Variants in MYOCD observed in about 807,000 individuals in gnomAD.
The protein encoded by MYOCD is myocardin.
In MYOCD, 32 loss-of-function variants were observed where a neutral mutation model predicts 96.1. That is an observed-to-expected ratio of 0.33 (90% confidence interval 0.25 to 0.45). The LOEUF is 0.45. Ranked by LOEUF, MYOCD falls within the 20% of genes least tolerant of loss-of-function variation. The pLI is 1.00. For missense variants in MYOCD, 1,133 were observed against 1,200.6 expected (o/e 0.94, Z 0.83); for synonymous variants, 469 against 469.0 (o/e 1.00, Z 0.00).
intron 1 of MYOCD, among the ~76,000 whole-genome samples, chr17:12,690,806 C>A (rs192212943): frequency 3.3e-5 from 5 of 152,142 alleles, no homozygotes; most frequent in African/African-American, 4.8e-5. Context: ...AAATCCTGAT[C>A]AAATCTAATG....
chr17:12,685,225 GGA>G (rs1301759238), intron 1 of MYOCD, among the ~76,000 whole-genome samples: 1 of 152,172 alleles, frequency 6.6e-6, no homozygotes. Flanking sequence ...TTTAAACCGA[GGA>G]GAGAGAGGTT....
At chr17:12,733,928 T>G (rs1476366298) in intron 5 of MYOCD, among the ~76,000 whole-genome samples, 1 of 152,074 alleles carries the variant, frequency 6.6e-6, no homozygotes, top group East Asian at 1.9e-4. Flanking sequence ...TGAACTATTA[T>G]GAAGTCTAAC....
At position 12,763,158 on chromosome 17, in the gene MYOCD, C is replaced by G; in HGVS notation, c.2475C>G (p.Val825=). 1 of 1,614,178 alleles carries G rather than the reference C, an allele frequency of 6.2e-7. No homozygotes were observed. The highest frequency in any genetic ancestry group is 1.7e-5 in the Admixed American group (1 of 60,024). Residue 825 remains valine (V), a synonymous_variant, in exon 14 of 14, where the codon GTC becomes GTG. Coordinates refer to ENST00000425538, the MANE Select transcript of MYOCD (RefSeq NM_001146312.3). ...GATCTTCCCGAAGTCCAACTGCTGT[C>G]CTCACCAAGCCCTCGGCTTCCTTTG... ...IPRSSRSPTA[V]LTKPSASFEQ... is the part of the protein sequence containing the mutation.
chr17:12,717,039 AT>A (rs2031668257), intron 3 of MYOCD, among the ~76,000 whole-genome samples: 1 of 148,764 alleles, frequency 6.7e-6, no homozygotes, highest in African/African-American at 2.5e-5. Flanking sequence ...AATAAGATTC[AT>A]TATAATACAA....
chr17:12,731,771 G>C (rs740463), intron 5 of MYOCD, among the ~76,000 whole-genome samples: 79,243 of 152,036 alleles, frequency 0.52, 21,014 homozygotes, highest in East Asian at 0.65. Flanking sequence ...CCAGGGCCTT[G>C]TGGGCCACAC....
chr17:12,733,468 C>T (rs1012173465), intron 5 of MYOCD, among the ~76,000 whole-genome samples: 1 of 152,166 alleles, frequency 6.6e-6, no homozygotes, highest in Admixed American at 6.5e-5. Flanking sequence ...ATTCTGCCAC[C>T]CCCTCTACCA....
chr17:12,706,368 T>C lies in MYOCD; in HGVS notation c.121+1175T>C, dbSNP rs566350287. On this transcript the variant is annotated intron_variant, in intron 2 of 13. Coordinates refer to ENST00000425538, the MANE Select transcript of MYOCD (RefSeq NM_001146312.3). ...GTGTGGCCTGTTTCATCTTAGCCTT[T>C]CTTTGGAGGTGCTAAAGACAGGAAG... Among the ~76,000 whole-genome samples, 15 of 152,342 alleles carry C rather than the reference T, an allele frequency of 9.8e-5. No individual in the cohort carries two copies. The South Asian group carries it at 2.7e-3, about 27-fold the overall frequency.
chr17:12,705,404 A>T (rs916397509), intron 2 of MYOCD: 6 of 451,414 alleles, frequency 1.3e-5, no homozygotes, highest in African/African-American at 8.0e-5. Context: ...GATACTGGTT[A>T]TGCCTAAAAT....
At chr17:12,755,344 C>A (rs2032981052) in intron 10 of MYOCD, among the ~76,000 whole-genome samples, 1 of 152,130 alleles carries the variant, frequency 6.6e-6, no homozygotes, top group Non-Finnish European at 1.5e-5. Flanking sequence ...GGCGCACTGG[C>A]TCACACCTGT....
intron 1 of MYOCD, among the ~76,000 whole-genome samples, chr17:12,694,387 G>A (rs2030635951): frequency 2.0e-5 from 3 of 152,150 alleles, no homozygotes; most frequent in Admixed American, 2.0e-4. Flanking sequence ...ATCTGCAGTG[G>A]GAAGCAGCCG....
chr17:12,740,507 C>T (rs1302872741), intron 7 of MYOCD, among the ~76,000 whole-genome samples: 1 of 152,128 alleles, frequency 6.6e-6, no homozygotes, highest in Non-Finnish European at 1.5e-5. Flanking sequence ...TATTTCATTC[C>T]TTTTTATGGC....
intron 1 of MYOCD, among the ~76,000 whole-genome samples, chr17:12,697,861 C>T (rs1344793421): frequency 1.3e-5 from 2 of 152,108 alleles, no homozygotes; most frequent in Non-Finnish European, 2.9e-5. Flanking sequence ...CATTATAAAT[C>T]AGTAAGCAAA....
At chr17:12,668,177 C>G (rs759776460) in intron 1 of MYOCD, among the ~76,000 whole-genome samples, 2 of 152,208 alleles carry the variant, frequency 1.3e-5, no homozygotes, top group Admixed American at 1.3e-4. Flanking sequence ...TATTTTGTCA[C>G]CAACAGTGAA....
chr17:12,727,263 T>A (rs538857859), intron 5 of MYOCD, among the ~76,000 whole-genome samples: 4 of 152,164 alleles, frequency 2.6e-5, no homozygotes, highest in African/African-American at 9.7e-5. Context: ...AATGGGCAAT[T>A]GAGCACCTGT....
intron 1 of MYOCD, among the ~76,000 whole-genome samples, chr17:12,685,494 T>C (rs2150647240): frequency 6.6e-6 from 1 of 151,644 alleles, no homozygotes; most frequent in South Asian, 2.1e-4. Context: ...TAGTCCCAGC[T>C]ACTCGGGAGG....
At chr17:12,756,919 A>T (rs1254116122) in intron 11 of MYOCD, among the ~76,000 whole-genome samples, 1 of 152,136 alleles carries the variant, frequency 6.6e-6, no homozygotes, top group African/African-American at 2.4e-5. Flanking sequence ...TGCATCTAAA[A>T]GGATGTACAG....
chr17:12,707,541 TAAAAATAC>T (rs1256134803), intron 2 of MYOCD, among the ~76,000 whole-genome samples: 1 of 151,348 alleles, frequency 6.6e-6, no homozygotes, highest in African/African-American at 2.4e-5. Context: ...CCGTCTCTAC[TAAAAATAC>T]AAAAAAAAGA....
intron 1 of MYOCD, among the ~76,000 whole-genome samples, chr17:12,699,458 T>C (rs2030953328): frequency 6.6e-6 from 1 of 152,200 alleles, no homozygotes. Flanking sequence ...TTTTAGAAAT[T>C]CTGCTAAAAT....
chr17:12,709,362 G>A (rs1381107402), intron 2 of MYOCD, among the ~76,000 whole-genome samples: 1 of 152,120 alleles, frequency 6.6e-6, no homozygotes, highest in Non-Finnish European at 1.5e-5. Flanking sequence ...TTATGTGTGG[G>A]CATTATGAGT....
Sources: allele counts gnomAD v4.1 joint callset (sites outside exome capture counted in the v4.1 genomes callset), GRCh38; gene constraint gnomAD v4.1.1; transcripts MANE v1.5; gene names NCBI Gene and HGNC (gene_info 2026-07-23, HGNC 2026-07-21).